ZYG11B: variants seen among roughly 807,000 people sequenced by gnomAD.
ZYG11B encodes the protein protein zyg-11 homolog B.
A neutral mutation model predicts 82.4 loss-of-function variants in ZYG11B; 36 were observed. That is an observed-to-expected ratio of 0.44 (90% CI 0.33 to 0.58). The LOEUF is 0.58. Ranked by LOEUF, ZYG11B falls within the 20% of genes least tolerant of loss-of-function variation. The pLI is 0.02. For missense variants in ZYG11B, 552 were observed against 895.6 expected, an observed-to-expected ratio of 0.62 and a Z score of 4.90; for synonymous variants, 303 against 312.8, an observed-to-expected ratio of 0.97 and a Z score of 0.33.
At chr1:52,798,984 A>G (rs72895404) in intron 8 of ZYG11B, among the ~76,000 whole-genome samples, 3 of 152,280 alleles carry the variant, frequency 2.0e-5, no homozygotes, top group African/African-American at 7.2e-5. Flanking sequence ...CATTCATTTG[A>G]TAAATATGTA....
Position 52,822,635 on chromosome 1 carries a change from A to G in ZYG11B, c.*1006A>G, listed in dbSNP as rs1250682120. The G allele has an allele frequency of 6.6e-6, 1 of 152,248 alleles. No homozygotes were observed. 9.4% of individuals were successfully genotyped at this position (152,248 alleles called of 1,614,324 possible). A position where few individuals can be genotyped will look rare whatever the true frequency, so the allele number is the denominator to read the frequency against. On this transcript the variant is annotated 3_prime_UTR_variant, in exon 14 of 14. Transcript: ENST00000294353. ...TAAAAAGTTAAAATCTCTTGTTCAA[A>G]ATATGTGTATCTTCTTAATGTGTTC...
intron 1 of ZYG11B, among the ~76,000 whole-genome samples, chr1:52,729,109 A>G (rs1033890843): frequency 6.6e-6 from 1 of 152,174 alleles, no homozygotes; most frequent in Non-Finnish European, 1.5e-5. Context: ...TCCCCAGTGG[A>G]TTCAGTGTCT....
At chr1:52,811,498 G>A (rs1045964863) in intron 10 of ZYG11B, among the ~76,000 whole-genome samples, 7 of 152,054 alleles carry the variant, frequency 4.6e-5, no homozygotes, top group African/African-American at 1.7e-4. Context: ...TAGAGACAGG[G>A]TCTCCCTATG....
chr1:52,799,991 A>T (rs1054382252), intron 8 of ZYG11B, among the ~76,000 whole-genome samples: 2 of 152,094 alleles, frequency 1.3e-5, no homozygotes, highest in East Asian at 3.9e-4. Flanking sequence ...TATTATGAAG[A>T]TTAAATGAAA....
At chr1:52,759,365 C>T (rs1158547087) in intron 2 of ZYG11B, among the ~76,000 whole-genome samples, 1 of 152,196 alleles carries the variant, frequency 6.6e-6, no homozygotes, top group African/African-American at 2.4e-5. Context: ...TAGTAGTTAA[C>T]ATTTATTAAA....
At chr1:52,793,890 T>TCCTTCCTTCCTTCCTTCCTTCCTG (rs369489501) in intron 6 of ZYG11B, among the ~76,000 whole-genome samples, 3 of 148,088 alleles carry the variant, frequency 2.0e-5, no homozygotes, top group Non-Finnish European at 4.4e-5. Flanking sequence ...CTTCCTTCCT[T>TCCTTCCTTCCTTCCTTCCTTCCTG]CCTTCCTTCC....
intron 1 of ZYG11B, among the ~76,000 whole-genome samples, chr1:52,755,785 G>C (rs556223897): frequency 6.6e-6 from 1 of 151,718 alleles, no homozygotes; most frequent in African/African-American, 2.4e-5. Context: ...GATTACAGGC[G>C]TGAGCCACCA....
intron 1 of ZYG11B, among the ~76,000 whole-genome samples, chr1:52,749,958 G>C (rs1644507225): frequency 6.6e-6 from 1 of 152,152 alleles, no homozygotes; most frequent in Non-Finnish European, 1.5e-5. Flanking sequence ...GAACATATTT[G>C]AGGTGCAATT....
chr1:52,736,883 C>T (rs1644382630), intron 1 of ZYG11B, among the ~76,000 whole-genome samples: 1 of 152,092 alleles, frequency 6.6e-6, no homozygotes, highest in African/African-American at 2.4e-5. Context: ...GCCGCTGTGC[C>T]TGGCCTGAAA....
At chr1:52,820,570 C>T (rs1435421883) in intron 13 of ZYG11B, among the ~76,000 whole-genome samples, 1 of 151,604 alleles carries the variant, frequency 6.6e-6, no homozygotes, top group Non-Finnish European at 1.5e-5. Flanking sequence ...ATTGCTTGAA[C>T]CCGGGAGGCA....
chr1:52,812,498 G>T (rs1005118682), intron 10 of ZYG11B, among the ~76,000 whole-genome samples: 1 of 152,124 alleles, frequency 6.6e-6, no homozygotes, highest in African/African-American at 2.4e-5. Context: ...CACCTCCCAG[G>T]TTCAAGCAAT....
At position 52,726,455 on chromosome 1, in the gene ZYG11B, A is replaced by G; in HGVS notation, c.-199A>G. 1 of 436,220 alleles carries G rather than the reference A, an allele frequency of 2.3e-6. No homozygotes were observed. The highest frequency in any genetic ancestry group is 3.7e-6 in the Non-Finnish European group (1 of 267,916). The allele number at this position is 436,220 out of a possible 1,614,324, so 27.0% of individuals were successfully genotyped here. The stretch of plus-strand genomic sequence containing the variant: ...CCCGGGCGGGTCCTCGCGGGGGCGG[A>G]GTCTGCGCTCTGGTTCGGGCTGCGG... On this transcript the variant is annotated 5_prime_UTR_variant, in exon 1 of 14. Transcript: ENST00000294353.
chr1:52,811,939 G>A (rs919526093), intron 10 of ZYG11B, among the ~76,000 whole-genome samples: 1 of 152,088 alleles, frequency 6.6e-6, no homozygotes, highest in East Asian at 1.9e-4. Context: ...GCTGAGGCGG[G>A]AGAATGGTGT....
At chr1:52,816,892 G>A (rs1041313146) in intron 13 of ZYG11B, among the ~76,000 whole-genome samples, 10 of 147,860 alleles carry the variant, frequency 6.8e-5, no homozygotes, top group Admixed American at 1.4e-4. Flanking sequence ...GGGTTCAAGC[G>A]ATTCTCCTGC....
chr1:52,817,777 G>GTATATATATATATA lies in ZYG11B; in HGVS notation c.2044+1174_2044+1187dup, dbSNP rs869260265. ...AATAGTAAAGTGTGTATATATATGT[G>GTATATATATATATA]TATATATATATATATATATATATAT... On this transcript the variant is annotated intron_variant, in intron 13 of 13. Coordinates refer to ENST00000294353, the MANE Select transcript of ZYG11B (RefSeq NM_024646.3). 7.5e-4 allele frequency among the ~76,000 whole-genome samples: 31 copies of GTATATATATATATA among 41,520 alleles called. 1 individual carries two copies. The highest frequency in any genetic ancestry group is 1.0e-3 in the Non-Finnish European group (27 of 25,802). 27.2% of individuals were successfully genotyped at this position (41,520 alleles called of 152,430 possible). A position where few individuals can be genotyped will look rare whatever the true frequency, so the allele number is the denominator to read the frequency against.
chr1:52,764,113 CTTTAT>C (rs71044417), intron 2 of ZYG11B, among the ~76,000 whole-genome samples: 84,604 of 150,438 alleles, frequency 0.56, 25,740 homozygotes, highest in East Asian at 0.97. Flanking sequence ...CATGTTGATT[CTTTAT>C]TTTATTTTAT....
Position 52,726,472 on chromosome 1 carries a change from GGGCTGCGGCTGCGGCTGCGGCTGC to G in ZYG11B, c.-175_-152del. ...GGGGGCGGAGTCTGCGCTCTGGTTCGGGCTGCGGCTGCGGCTGCGGCTGCGGCTGCTACTGCTACGCTCCTAGCT... is the reference window on the plus strand; with the variant it reads ...GGGGGCGGAGTCTGCGCTCTGGTTCGGGCTGCTACTGCTACGCTCCTAGCT... On this transcript the variant is annotated 5_prime_UTR_variant, in exon 1 of 14. Transcript: ENST00000294353. The G allele has an allele frequency of 1.9e-6, 1 of 529,486 alleles. No individual in the cohort carries two copies. The highest frequency in any genetic ancestry group is 2.9e-6 in the Non-Finnish European group (1 of 346,398). 32.8% of individuals were successfully genotyped at this position (529,486 alleles called of 1,614,324 possible). A position where few individuals can be genotyped will look rare whatever the true frequency, so the allele number is the denominator to read the frequency against.
At chr1:52,780,798 G>A (rs1284863904) in intron 4 of ZYG11B, among the ~76,000 whole-genome samples, 1 of 152,068 alleles carries the variant, frequency 6.6e-6, no homozygotes, top group Middle Eastern at 3.2e-3. Context: ...CTTTTGAAGG[G>A]CAAGAAAGGA....
At chr1:52,765,113 CTG>C (rs1644670820) in intron 2 of ZYG11B, among the ~76,000 whole-genome samples, 9 of 151,850 alleles carry the variant, frequency 5.9e-5, no homozygotes, top group Admixed American at 5.9e-4. Flanking sequence ...TCTTGAACCC[CTG>C]GCCTCAAGGA....
Sources: gnomAD v4.1 joint callset for allele counts (sites outside exome capture counted in the v4.1 genomes callset) on GRCh38, gnomAD v4.1.1 for gene constraint, MANE v1.5 for transcripts, NCBI Gene and HGNC (gene_info 2026-07-23, HGNC 2026-07-21) for gene names.